NXPH1: variants seen among roughly 807,000 people sequenced by gnomAD.
NXPH1 encodes the protein neurexophilin-1.
A neutral mutation model predicts 23.7 loss-of-function variants in NXPH1; 5 were observed. The ratio of observed to expected loss-of-function variants is 0.21; its 90% confidence interval spans 0.11 to 0.44. NXPH1 has a LOEUF of 0.44. NXPH1 is among the 20% of genes least tolerant of loss of function. The probability of loss-of-function intolerance (pLI) is 0.99; values close to 1 mark genes in which losing one functional copy is unlikely to be tolerated. For synonymous variants in NXPH1, 144 were observed against 122.2 expected, an observed-to-expected ratio of 1.18 and a Z score of -1.18; for missense variants, 324 against 321.6, an observed-to-expected ratio of 1.01 and a Z score of -0.06.
chr7:8,575,148 C>T (rs908141344), intron 2 of NXPH1, among the ~76,000 whole-genome samples: 1 of 152,118 alleles, frequency 6.6e-6, no homozygotes, highest in South Asian at 2.1e-4. Context: ...TAAAACTTTG[C>T]TCAGAATGAA....
At chr7:8,655,722 A>T (rs1049284450) in intron 2 of NXPH1, among the ~76,000 whole-genome samples, 3 of 152,146 alleles carry the variant, frequency 2.0e-5, no homozygotes, top group Admixed American at 6.6e-5. Flanking sequence ...GCAGTTCAAG[A>T]AGAGTTCACA....
At chr7:8,540,883 C>A (rs1818105224) in intron 2 of NXPH1, among the ~76,000 whole-genome samples, 1 of 151,658 alleles carries the variant, frequency 6.6e-6, no homozygotes, top group Admixed American at 6.6e-5. Context: ...TGAGCATGCT[C>A]CAGACCTTCC....
At chr7:8,678,231 T>A (rs1326916071) in intron 2 of NXPH1, among the ~76,000 whole-genome samples, 1 of 152,174 alleles carries the variant, frequency 6.6e-6, no homozygotes, top group Non-Finnish European at 1.5e-5. Context: ...CACCAAGTTA[T>A]GGGTTCAGAA....
chr7:8,703,064 C>T (rs934172783), intron 2 of NXPH1, among the ~76,000 whole-genome samples: 1 of 152,092 alleles, frequency 6.6e-6, no homozygotes, highest in African/African-American at 2.4e-5. Context: ...GATTTTACCT[C>T]TCCCTTTTTG....
intron 2 of NXPH1, among the ~76,000 whole-genome samples, chr7:8,741,992 A>G (rs6961636): frequency 0.24 from 36,020 of 152,052 alleles, 5,021 homozygotes; most frequent in African/African-American, 0.39. Context: ...AAAAGAGTCT[A>G]ACACATCTTT....
intron 2 of NXPH1, among the ~76,000 whole-genome samples, chr7:8,583,061 T>C (rs191665506): frequency 2.5e-4 from 38 of 152,120 alleles, no homozygotes; most frequent in African/African-American, 8.7e-4. Flanking sequence ...TGCATACACT[T>C]GGCCGGGTTG....
chr7:8,637,469 C>G (rs1820236841), intron 2 of NXPH1, among the ~76,000 whole-genome samples: 1 of 152,148 alleles, frequency 6.6e-6, no homozygotes, highest in Admixed American at 6.6e-5. Context: ...AAGCAATCCA[C>G]TCCGTCAGCC....
intron 2 of NXPH1, among the ~76,000 whole-genome samples, chr7:8,583,757 C>T (rs538255025): frequency 2.0e-5 from 3 of 152,262 alleles, no homozygotes; most frequent in African/African-American, 7.2e-5. Context: ...TGAGAACTGA[C>T]AAAGGTGAGA....
At chr7:8,567,921 A>G (rs116505963) in intron 2 of NXPH1, among the ~76,000 whole-genome samples, 60 of 152,014 alleles carry the variant, frequency 3.9e-4, no homozygotes, top group African/African-American at 1.3e-3. Flanking sequence ...GTGGCCTTAC[A>G]TCGTCTACTC....
At chr7:8,516,702 C>A (rs1411487345) in intron 2 of NXPH1, among the ~76,000 whole-genome samples, 1 of 152,076 alleles carries the variant, frequency 6.6e-6, no homozygotes, top group Non-Finnish European at 1.5e-5. Context: ...GGAGGTAGAA[C>A]TCTGGAGCCT....
At chr7:8,585,183 G>A (rs58787499) in intron 2 of NXPH1, among the ~76,000 whole-genome samples, 5,171 of 152,148 alleles carry the variant, frequency 0.034, 213 homozygotes, top group East Asian at 0.15. Context: ...GAAATACTTC[G>A]TTTGCTTATA....
intron 2 of NXPH1, among the ~76,000 whole-genome samples, chr7:8,678,117 A>C (rs1244358896): frequency 6.6e-6 from 1 of 152,156 alleles, no homozygotes; most frequent in Non-Finnish European, 1.5e-5. Context: ...GGAGGAATAC[A>C]TTTATCCTAT....
At chr7:8,607,122 T>C (rs1358833248) in intron 2 of NXPH1, among the ~76,000 whole-genome samples, 2 of 152,134 alleles carry the variant, frequency 1.3e-5, no homozygotes, top group Admixed American at 1.3e-4. Flanking sequence ...TAAATTATAG[T>C]AAAATTAACA....
At chr7:8,503,327 C>T (rs760697594) in intron 2 of NXPH1, among the ~76,000 whole-genome samples, 3 of 151,924 alleles carry the variant, frequency 2.0e-5, no homozygotes, top group Non-Finnish European at 4.4e-5. Flanking sequence ...GGGTTTGAAC[C>T]TGAGTATTTT....
intron 2 of NXPH1, among the ~76,000 whole-genome samples, chr7:8,436,111 CAG>C (rs752250307): frequency 1.1e-4 from 16 of 152,224 alleles, no homozygotes; most frequent in Non-Finnish European, 1.8e-4. Context: ...AGCTCATGCA[CAG>C]AGTTTAAACG....
intron 2 of NXPH1, among the ~76,000 whole-genome samples, chr7:8,604,249 A>T (rs184486506): frequency 1.4e-3 from 215 of 152,248 alleles, no homozygotes; most frequent in African/African-American, 4.8e-3. Context: ...AAACTTGTTG[A>T]TTCAATGTTC....
chr7:8,716,049 G>C (rs545325274), intron 2 of NXPH1, among the ~76,000 whole-genome samples: 170 of 152,054 alleles, frequency 1.1e-3, no homozygotes, highest in Non-Finnish European at 2.1e-3. Context: ...ACTAATGTGA[G>C]TTTCACATGG....
intron 2 of NXPH1, among the ~76,000 whole-genome samples, chr7:8,609,732 C>T (rs73676091): frequency 6.6e-6 from 1 of 152,246 alleles, no homozygotes; most frequent in Admixed American, 6.5e-5. Flanking sequence ...CAACATGACA[C>T]AATTTTAATA....
intron 2 of NXPH1, among the ~76,000 whole-genome samples, chr7:8,464,938 G>GT (rs991100615): frequency 2.0e-5 from 3 of 152,146 alleles, no homozygotes; most frequent in African/African-American, 7.2e-5. Flanking sequence ...GACTTTTGAT[G>GT]TTTTTTTGAA....
Sources: allele counts gnomAD v4.1 joint callset (sites outside exome capture counted in the v4.1 genomes callset), GRCh38; gene constraint gnomAD v4.1.1; transcripts MANE v1.5; gene names NCBI Gene and HGNC (gene_info 2026-07-23, HGNC 2026-07-21).